ZMIZ1: variants seen among roughly 807,000 people sequenced by gnomAD.
The protein encoded by ZMIZ1 is zinc finger MIZ-type containing 1, also known as zinc finger MIZ domain-containing protein 1.
In ZMIZ1, 17 loss-of-function variants were observed where a neutral mutation model predicts 113.9. The observed-to-expected ratio is 0.15, with a 90% CI of 0.10 to 0.22. ZMIZ1 has a LOEUF of 0.22. ZMIZ1 is among the 10% of genes least tolerant of loss of function. The pLI is 1.00. For missense variants in ZMIZ1, 1,059 were observed against 1,477.8 expected, an observed-to-expected ratio of 0.72 and a Z score of 4.65; for synonymous variants, 607 against 603.1, an observed-to-expected ratio of 1.01 and a Z score of -0.09.
rs191059771 is a variant in ZMIZ1 at position 79,135,037 on chromosome 10, C to T, written c.-226-4645C>T. On this transcript the variant is annotated intron_variant, in intron 2 of 24. Transcript: ENST00000334512. Reference sequence around the variant, plus strand: ...TTCACCAGGTTGGTCAGGCTGGTCTCGAACTCCTGACCTCAGGTGATCTGC... The same window carrying T: ...TTCACCAGGTTGGTCAGGCTGGTCTTGAACTCCTGACCTCAGGTGATCTGC... Among the ~76,000 whole-genome samples the T allele has an allele frequency of 6.3e-3, 960 of 152,264 alleles. 1 individual carries two copies. Among genetic ancestry groups the T allele is most frequent in the Non-Finnish European group, 0.011 (719 of 68,020 alleles).
At chr10:79,175,972 A>T (rs2132549604) in intron 4 of ZMIZ1, among the ~76,000 whole-genome samples, 1 of 152,194 alleles carries the variant, frequency 6.6e-6, no homozygotes. Context: ...AAACAAACAA[A>T]CAAGGGATTA....
intron 8 of ZMIZ1, among the ~76,000 whole-genome samples, 157 bp from the exon 9 acceptor site, chr10:79,289,618 G>A (rs1326151546): frequency 6.6e-6 from 1 of 152,180 alleles, no homozygotes; most frequent in Admixed American, 6.5e-5. Context: ...GTTGTGCACT[G>A]GGCACTGAGA....
At chr10:79,218,068 C>A (rs1848810578) in intron 7 of ZMIZ1, among the ~76,000 whole-genome samples, 1 of 152,190 alleles carries the variant, frequency 6.6e-6, no homozygotes, top group African/African-American at 2.4e-5. Context: ...GAGCAGGGGC[C>A]ACCAAGCTTT....
chr10:79,306,539 C>T (rs771572294), intron 22 of ZMIZ1, among the ~76,000 whole-genome samples, 195 bp downstream of exon 22: 3 of 152,156 alleles, frequency 2.0e-5, no homozygotes, highest in Admixed American at 2.0e-4. Flanking sequence ...GCTTCAGAGC[C>T]TGCCCTGGTG....
In ZMIZ1 at chr10:79,289,761, G is replaced by A. The variant is rs368084576; in HGVS notation, c.426-14G>A. ...TGCCAGGCCCTGAAGATCTCCCTCT[G>A]TCTCCCTCTGCAGTGATGGGTCGTT... On this transcript the variant is annotated splice_polypyrimidine_tract_variant and intron_variant, in intron 8 of 24. Transcript: ENST00000334512. 1.2e-6 allele frequency: 2 copies of A among 1,610,876 alleles called. No homozygotes were observed. The highest frequency in any genetic ancestry group is 1.3e-5 in the African/African-American group (1 of 74,874).
At chr10:79,131,599 C>A (rs1844773323) in intron 2 of ZMIZ1, among the ~76,000 whole-genome samples, 1 of 152,150 alleles carries the variant, frequency 6.6e-6, no homozygotes, top group Non-Finnish European at 1.5e-5. Flanking sequence ...ATGAATAGCA[C>A]CAGGCTTGTC....
intron 2 of ZMIZ1, among the ~76,000 whole-genome samples, chr10:79,135,127 T>A (rs1327874576): frequency 2.6e-5 from 4 of 152,216 alleles, no homozygotes; most frequent in Non-Finnish European, 5.9e-5. Flanking sequence ...GATACATTTT[T>A]AAGTACATAA....
At chr10:79,223,785 G>A (rs1849089472) in intron 7 of ZMIZ1, among the ~76,000 whole-genome samples, 1 of 152,242 alleles carries the variant, frequency 6.6e-6, no homozygotes, top group South Asian at 2.1e-4. Context: ...TGGGTGAACT[G>A]GTGGGTGGCC....
chr10:79,177,977 C>T (rs1564700870), intron 4 of ZMIZ1, among the ~76,000 whole-genome samples: 1 of 152,142 alleles, frequency 6.6e-6, no homozygotes, highest in Non-Finnish European at 1.5e-5. Context: ...TTCAGTGCTC[C>T]TATTAGACAT....
At chr10:79,200,147 T>G (rs1228773191) in intron 4 of ZMIZ1, among the ~76,000 whole-genome samples, 2 of 152,140 alleles carry the variant, frequency 1.3e-5, no homozygotes, top group Non-Finnish European at 2.9e-5. Flanking sequence ...GGGTCTTTAG[T>G]GGGGAGTGCG....
At chr10:79,170,890 G>A (rs1589372936) in intron 4 of ZMIZ1, among the ~76,000 whole-genome samples, 1 of 152,138 alleles carries the variant, frequency 6.6e-6, no homozygotes, top group South Asian at 2.1e-4. Flanking sequence ...TCTAGGATGG[G>A]CAGCCCCGCC....
intron 7 of ZMIZ1, among the ~76,000 whole-genome samples, chr10:79,223,958 C>T (rs1312064879): frequency 6.6e-6 from 1 of 152,280 alleles, no homozygotes; most frequent in African/African-American, 2.4e-5. Flanking sequence ...GTGATGGTCC[C>T]TGGGGTTCCA....
At chr10:79,230,282 G>A (rs959165355) in intron 7 of ZMIZ1, among the ~76,000 whole-genome samples, 1 of 151,442 alleles carries the variant, frequency 6.6e-6, no homozygotes. Context: ...TGCACCACAG[G>A]TCCTGCTGCT....
chr10:79,134,352 G>T lies in ZMIZ1; in HGVS notation c.-226-5330G>T, dbSNP rs77271809. 1.1e-3 allele frequency among the ~76,000 whole-genome samples: 167 copies of T among 152,364 alleles called. 3 individuals are homozygous for T. The East Asian group carries it at 0.029, about 26-fold the overall frequency. On this transcript the variant is annotated intron_variant, in intron 2 of 24. Coordinates refer to ENST00000334512, the MANE Select transcript of ZMIZ1 (RefSeq NM_020338.4). ...CAGTGACCAGGGACAGAGTCAGACT[G>T]CTATTCTAGACTGGACTCCAGTGCC...
intron 7 of ZMIZ1, among the ~76,000 whole-genome samples, chr10:79,230,774 G>C (rs1043371571): frequency 6.6e-6 from 1 of 152,240 alleles, no homozygotes; most frequent in African/African-American, 2.4e-5. Flanking sequence ...AGGATGTGCA[G>C]GTGGCCCAGT....
intron 7 of ZMIZ1, among the ~76,000 whole-genome samples, chr10:79,255,520 C>A (rs1850832266): frequency 6.6e-6 from 1 of 152,138 alleles, no homozygotes; most frequent in Non-Finnish European, 1.5e-5. Flanking sequence ...CGTTCCTAAC[C>A]ATCTCTGTCT....
chr10:79,235,883 G>A (rs1849569657), intron 7 of ZMIZ1, among the ~76,000 whole-genome samples: 1 of 152,242 alleles, frequency 6.6e-6, no homozygotes, highest in Non-Finnish European at 1.5e-5. Flanking sequence ...AGACAGCTTG[G>A]GGCCGTGGAA....
intron 8 of ZMIZ1, among the ~76,000 whole-genome samples, chr10:79,278,641 T>G (rs1852466172): frequency 6.6e-6 from 1 of 151,662 alleles, no homozygotes; most frequent in South Asian, 2.1e-4. Flanking sequence ...GTGATGACTC[T>G]TAACGAGCAT....
intron 1 of ZMIZ1, among the ~76,000 whole-genome samples, chr10:79,107,184 T>TG (rs1843589577): frequency 6.6e-6 from 1 of 152,250 alleles, no homozygotes; most frequent in African/African-American, 2.4e-5. Context: ...ACCCATCTTC[T>TG]GGCCACTTCA....
Sources: allele counts gnomAD v4.1 joint callset (sites outside exome capture counted in the v4.1 genomes callset), GRCh38; gene constraint gnomAD v4.1.1; transcripts MANE v1.5; gene names NCBI Gene and HGNC (gene_info 2026-07-23, HGNC 2026-07-21).